DGKG: variants seen among roughly 807,000 people sequenced by gnomAD.
DGKG encodes diacylglycerol kinase gamma.
A neutral mutation model predicts 105.3 loss-of-function variants in DGKG; 78 were observed. That is an observed-to-expected ratio of 0.74 (90% CI 0.62 to 0.89). The LOEUF is 0.89. Ranked by LOEUF, DGKG falls within the 40% of genes least tolerant of loss-of-function variation. The pLI, the probability that DGKG is intolerant of heterozygous loss-of-function variation, is 0.00. For synonymous variants in DGKG, 346 were observed against 367.1 expected (o/e 0.94, Z 0.66); for missense variants, 958 against 1,020.1 (o/e 0.94, Z 0.83).
chr3:186,242,895 G>C (rs1720757456), intron 19 of DGKG, among the ~76,000 whole-genome samples: 1 of 152,172 alleles, frequency 6.6e-6, no homozygotes. Context: ...GGGAGACTGA[G>C]AGTCTGTGAG....
In DGKG at chr3:186,202,082, G is replaced by A. The variant is rs923665602; in HGVS notation, c.1917+9713C>T. 6.6e-5 allele frequency among the ~76,000 whole-genome samples: 10 copies of A among 152,322 alleles called. No individual in the cohort carries two copies. In the South Asian group the frequency reaches 1.9e-3, roughly 28 times the overall value. On this transcript the variant is annotated intron_variant, in intron 21 of 24. Coordinates refer to ENST00000265022, the MANE Select transcript of DGKG (RefSeq NM_001346.3). ...GGAGTACTTACTTGTTTTATGAGAT[G>A]CAGTTTCCTTGGGTAAATAATGGGA...
At chr3:186,242,652 G>T in intron 19 of DGKG, 84 bp from the exon 20 acceptor site, 1 of 1,166,366 alleles carries the variant, frequency 8.6e-7, no homozygotes, top group Non-Finnish European at 1.2e-6. Context: ...GCATGCACTC[G>T]CTGAGTCATG....
At chr3:186,177,147 T>C (rs565616341) in intron 22 of DGKG, among the ~76,000 whole-genome samples, 1 of 152,364 alleles carries the variant, frequency 6.6e-6, no homozygotes, top group Admixed American at 6.5e-5. Context: ...GCCTTGTTAC[T>C]GCCAGGTTCT....
chr3:186,256,370 C>A (rs769330668), intron 17 of DGKG, among the ~76,000 whole-genome samples: 13 of 152,292 alleles, frequency 8.5e-5, no homozygotes, highest in Non-Finnish European at 1.8e-4. Flanking sequence ...CTTCCCTCGT[C>A]CTCTCATCTC....
At chr3:186,327,354 C>T (rs932005957) in intron 1 of DGKG, among the ~76,000 whole-genome samples, 16 of 147,368 alleles carry the variant, frequency 1.1e-4, no homozygotes, top group African/African-American at 3.3e-4. Context: ...CCTCCTTCTC[C>T]TCCTCCTCCT....
At chr3:186,307,229 G>A (rs1052507289) in intron 2 of DGKG, among the ~76,000 whole-genome samples, 2 of 152,048 alleles carry the variant, frequency 1.3e-5, no homozygotes, top group Non-Finnish European at 2.9e-5. Flanking sequence ...ACCATTCAAG[G>A]GCTTTCTGTT....
rs1722360485 is a variant in DGKG, at chr3:186,272,424, G to T, written c.911-81C>A. The stretch of plus-strand genomic sequence containing the variant: ...CAGCTGCCCTCCCACCCTAGCCAAG[G>T]TCTGTACCTCCCTTTGGGTGGCTGG... On this transcript the variant is annotated intron_variant, in intron 10 of 24. Coordinates refer to ENST00000265022, the MANE Select transcript of DGKG (RefSeq NM_001346.3). 4.0e-5 allele frequency: 40 copies of T among 996,572 alleles called. 1 individual carries two copies. In the South Asian group the frequency reaches 4.9e-4, roughly 12 times the overall value. The allele number at this position is 996,572 out of a possible 1,614,324, so 61.7% of individuals were successfully genotyped here. A position where few individuals can be genotyped will look rare whatever the true frequency, so the allele number is the denominator to read the frequency against.
chr3:186,168,737 C>G (rs920167043), intron 22 of DGKG, among the ~76,000 whole-genome samples: 10 of 152,096 alleles, frequency 6.6e-5, no homozygotes, highest in African/African-American at 2.4e-4. Flanking sequence ...GTAATCCCAG[C>G]TATTTGGGAG....
At chr3:186,319,501 G>A (rs1724981647) in intron 2 of DGKG, among the ~76,000 whole-genome samples, 1 of 152,224 alleles carries the variant, frequency 6.6e-6, no homozygotes, top group African/African-American at 2.4e-5. Flanking sequence ...CAGGCCTCAT[G>A]ATTTACAGAA....
chr3:186,307,049 T>G (rs1174857565), intron 2 of DGKG, 72 bp from the exon 3 acceptor site: 1 of 1,016,096 alleles, frequency 9.8e-7, no homozygotes, highest in Non-Finnish European at 1.6e-6. Flanking sequence ...AAATTCTCCC[T>G]GTGTAACCAT....
chr3:186,260,179 C>T (rs931049077), intron 16 of DGKG, among the ~76,000 whole-genome samples: 2 of 152,134 alleles, frequency 1.3e-5, no homozygotes, highest in Non-Finnish European at 2.9e-5. Flanking sequence ...AAGGTGTGTG[C>T]AGTTTTCCCC....
chr3:186,206,888 T>C (rs758812781), intron 21 of DGKG, among the ~76,000 whole-genome samples: 5 of 152,162 alleles, frequency 3.3e-5, no homozygotes, highest in Admixed American at 1.3e-4. Context: ...TAGCTGGGAT[T>C]GTAGGCATGT....
intron 20 of DGKG, among the ~76,000 whole-genome samples, chr3:186,239,114 G>T (rs575599825): frequency 2.0e-5 from 3 of 152,266 alleles, no homozygotes; most frequent in African/African-American, 7.2e-5. Context: ...ATTCTTGTTA[G>T]AATAGCCAAG....
chr3:186,162,290 C>T (rs1716331519), intron 23 of DGKG, among the ~76,000 whole-genome samples: 1 of 152,176 alleles, frequency 6.6e-6, no homozygotes, highest in Non-Finnish European at 1.5e-5. Flanking sequence ...CAGTGAAGTC[C>T]ACAGAAGTCT....
intron 10 of DGKG, 29 bp from the exon 11 acceptor site, chr3:186,272,372 C>T (rs766338705): frequency 1.9e-6 from 3 of 1,547,772 alleles, no homozygotes; most frequent in Non-Finnish European, 2.7e-6. Flanking sequence ...AAGGCAGGTG[C>T]TTGTGAATAG....
chr3:186,201,161 T>C (rs933437297), intron 21 of DGKG, among the ~76,000 whole-genome samples: 10 of 152,074 alleles, frequency 6.6e-5, no homozygotes, highest in African/African-American at 9.7e-5. Flanking sequence ...TTCTTTCTTT[T>C]TTTTTTTTTA....
chr3:186,260,048 G>A (rs1171358845), intron 16 of DGKG, among the ~76,000 whole-genome samples: 1 of 152,030 alleles, frequency 6.6e-6, no homozygotes, highest in Non-Finnish European at 1.5e-5. Context: ...CCAAACTGCT[G>A]ACTGACAATG....
At chr3:186,257,791 TCTG>T (rs1721555274) in intron 17 of DGKG, 60 bp downstream of exon 17, 26 of 1,318,244 alleles carry the variant, frequency 2.0e-5, no homozygotes, top group Non-Finnish European at 2.9e-5. Flanking sequence ...TTTATTGCCT[TCTG>T]CTGATTGTAA....
intron 7 of DGKG, 83 bp from the exon 8 acceptor site, chr3:186,280,827 G>A: frequency 1.7e-6 from 2 of 1,165,352 alleles, no homozygotes; most frequent in Middle Eastern, 1.9e-4. Flanking sequence ...ATTAAGCCCA[G>A]TGGGAAGAGG....
Sources: gnomAD v4.1 joint callset for allele counts (sites outside exome capture counted in the v4.1 genomes callset) on GRCh38, gnomAD v4.1.1 for gene constraint, MANE v1.5 for transcripts, NCBI Gene and HGNC (gene_info 2026-07-23, HGNC 2026-07-21) for gene names.